The following ADPGK variants were observed in gnomAD, a reference collection of about 807,000 sequenced individuals.
The protein encoded by ADPGK is ADP-dependent glucokinase.
ADPGK carries 26 observed loss-of-function variants against 42.4 expected under a neutral mutation model. The ratio of observed to expected loss-of-function variants is 0.61; its 90% CI spans 0.45 to 0.85. ADPGK has a LOEUF of 0.85. ADPGK is among the 40% of genes least tolerant of loss of function. ADPGK has a pLI of 0.00. For missense variants in ADPGK, 571 were observed against 627.0 expected, an observed-to-expected ratio of 0.91 and a Z score of 0.95; for synonymous variants, 267 against 252.6, an observed-to-expected ratio of 1.06 and a Z score of -0.54.
At chr15:72,767,264 A>G (rs2066272091) in intron 3 of ADPGK, among the ~76,000 whole-genome samples, 1 of 152,274 alleles carries the variant, frequency 6.6e-6, no homozygotes, top group East Asian at 1.9e-4. Flanking sequence ...TATGTACCTA[A>G]TAAGAGTTTC....
intron 3 of ADPGK, among the ~76,000 whole-genome samples, chr15:72,763,835 T>C (rs1327357444): frequency 6.6e-6 from 1 of 152,266 alleles, no homozygotes; most frequent in Non-Finnish European, 1.5e-5. Flanking sequence ...TGTCACATTT[T>C]GGTAGTTCTC....
intron 4 of ADPGK, among the ~76,000 whole-genome samples, chr15:72,759,170 T>G (rs1270949713): frequency 6.6e-6 from 1 of 152,176 alleles, no homozygotes; most frequent in Non-Finnish European, 1.5e-5. Context: ...ACTCCTGACC[T>G]TGTGATCCAC....
At chr15:72,760,336 A>G (rs2066176060) in intron 4 of ADPGK, 71 bp downstream of exon 4, 1 of 1,454,424 alleles carries the variant, frequency 6.9e-7, no homozygotes. Context: ...TTTCCGGCAC[A>G]GTCACACCCC....
At chr15:72,769,070 A>T (rs949341914) in intron 3 of ADPGK, among the ~76,000 whole-genome samples, 1 of 152,208 alleles carries the variant, frequency 6.6e-6, no homozygotes, top group Non-Finnish European at 1.5e-5. Context: ...ACATTACAAG[A>T]AAAGAAAAAT....
At chr15:72,782,273 G>A (rs943449835) in intron 1 of ADPGK, among the ~76,000 whole-genome samples, 1 of 152,084 alleles carries the variant, frequency 6.6e-6, no homozygotes, top group Non-Finnish European at 1.5e-5. Flanking sequence ...CAGCACTTTG[G>A]GAGGCCAAGA....
chr15:72,752,705 G>C lies in ADPGK; in HGVS notation c.1130C>G (p.Thr377Ser). 1.2e-6 allele frequency: 2 copies of C among 1,614,200 alleles called. No homozygotes were observed. Among genetic ancestry groups the C allele is most frequent in the African/African-American group, 2.7e-5 (2 of 75,028 alleles). The change falls in exon 7 of 7, where the codon ACC (threonine) becomes AGC (serine). Residue 377 changes from threonine (T) to serine (S), a missense_variant. Thr to Ser is a moderately conservative substitution (Grantham distance 58). Transcript: ENST00000456471. ...GACCAGCGTGTGGAAATGGATCCTG[G>C]TGAGATCCGAGGCTCTGCTTTTACT... is the stretch of plus-strand genomic sequence containing the variant. ...GRSKSRASDL[T>S]RIHFHTLVYH...
chr15:72,772,886 G>A (rs2066345818), intron 2 of ADPGK, among the ~76,000 whole-genome samples: 1 of 152,062 alleles, frequency 6.6e-6, no homozygotes. Context: ...CATATGCCTT[G>A]GAAATCTGAC....
chr15:72,779,248 T>G (rs1034499884), intron 1 of ADPGK, among the ~76,000 whole-genome samples: 1 of 146,998 alleles, frequency 6.8e-6, no homozygotes, highest in African/African-American at 2.5e-5. Context: ...ATGAGGGTTT[T>G]TTTTTTTTTT....
chr15:72,775,205 G>A, intron 1 of ADPGK, 108 bp from the exon 2 acceptor site: 1 of 949,666 alleles, frequency 1.1e-6, no homozygotes, highest in Non-Finnish European at 1.6e-6. Flanking sequence ...AGAAAAAACA[G>A]GAAGTAGGTC....
intron 2 of ADPGK, among the ~76,000 whole-genome samples, chr15:72,773,596 A>G (rs1168175868): frequency 1.3e-5 from 2 of 152,206 alleles, no homozygotes; most frequent in Non-Finnish European, 2.9e-5. Flanking sequence ...GTTGCTGTAA[A>G]AATTTTTTTC....
intron 3 of ADPGK, among the ~76,000 whole-genome samples, chr15:72,771,032 C>A (rs904531290): frequency 6.6e-6 from 1 of 152,192 alleles, no homozygotes; most frequent in Non-Finnish European, 1.5e-5. Flanking sequence ...CTTCTTTGTT[C>A]CCCATGTATT....
chr15:72,781,847 G>A (rs1445368696), intron 1 of ADPGK, among the ~76,000 whole-genome samples: 1 of 152,210 alleles, frequency 6.6e-6, no homozygotes, highest in Non-Finnish European at 1.5e-5. Flanking sequence ...TAAGGAAGTA[G>A]TTAAGGTTAA....
At chr15:72,777,700 A>G (rs974989567) in intron 1 of ADPGK, among the ~76,000 whole-genome samples, 3 of 151,866 alleles carry the variant, frequency 2.0e-5, no homozygotes, top group African/African-American at 7.3e-5. Flanking sequence ...AAACAAAACA[A>G]AACTATAAAC....
chr15:72,771,996 A>G, intron 2 of ADPGK, 151 bp from the exon 3 acceptor site: 1 of 491,472 alleles, frequency 2.0e-6, no homozygotes, highest in Non-Finnish European at 3.5e-6. Context: ...GATGAAGTGA[A>G]TGCAACACAG....
intron 1 of ADPGK, chr15:72,783,116 T>A: frequency 1.4e-6 from 1 of 733,394 alleles, no homozygotes; most frequent in Non-Finnish European, 1.7e-6. Flanking sequence ...GTGGGTAAGG[T>A]CAAGTATCTT....
chr15:72,783,223 G>A (rs1350570575), intron 1 of ADPGK: 3 of 1,228,906 alleles, frequency 2.4e-6, no homozygotes, highest in African/African-American at 1.6e-5. Flanking sequence ...GGATTAGCAA[G>A]AAGCTGTTAG....
intron 1 of ADPGK, among the ~76,000 whole-genome samples, chr15:72,779,937 T>C (rs2066436649): frequency 6.6e-6 from 1 of 152,232 alleles, no homozygotes. Context: ...TTCTGAAACT[T>C]GTTTTTCTTA....
At chr15:72,758,086 G>C in intron 4 of ADPGK, 1 of 1,612,402 alleles carries the variant, frequency 6.2e-7, no homozygotes, top group Non-Finnish European at 8.5e-7. Context: ...TCTTCCTCTG[G>C]AGCTCCTTGC....
At chr15:72,780,899 C>G (rs1449611734) in intron 1 of ADPGK, among the ~76,000 whole-genome samples, 1 of 152,218 alleles carries the variant, frequency 6.6e-6, no homozygotes, top group Admixed American at 6.5e-5. Context: ...CTCACCTCTT[C>G]TACATCATTG....
Sources: allele counts gnomAD v4.1 joint callset (sites outside exome capture counted in the v4.1 genomes callset), GRCh38; gene constraint gnomAD v4.1.1; transcripts MANE v1.5; gene names NCBI Gene and HGNC (gene_info 2026-07-23, HGNC 2026-07-21).